Variants in ELMO1 observed in about 807,000 individuals in gnomAD.
ELMO1 encodes the protein engulfment and cell motility 1, also known as engulfment and cell motility protein 1.
In ELMO1, 26 loss-of-function variants were observed where a neutral mutation model predicts 98.9. The observed-to-expected ratio is 0.26, with a 90% CI of 0.19 to 0.36. ELMO1 has a LOEUF of 0.36. ELMO1 is among the 10% of genes least tolerant of loss of function. ELMO1 has a pLI of 1.00. For synonymous variants in ELMO1, 346 were observed against 346.0 expected (o/e 1.00, Z 0.00); for missense variants, 627 against 935.2 (o/e 0.67, Z 4.30).
At chr7:36,876,466 T>A (rs1042740629) in intron 19 of ELMO1, among the ~76,000 whole-genome samples, 4 of 152,162 alleles carry the variant, frequency 2.6e-5, no homozygotes, top group Non-Finnish European at 2.9e-5. Flanking sequence ...TTTGTTTTTT[T>A]AAAATTATTA....
chr7:36,903,029 T>G (rs1243248578), intron 16 of ELMO1, among the ~76,000 whole-genome samples: 3 of 152,194 alleles, frequency 2.0e-5, no homozygotes, highest in Non-Finnish European at 1.5e-5. Context: ...GCTTAAACCC[T>G]GCAGGGGCCC....
At chr7:36,932,029 A>T (rs1483992998) in intron 16 of ELMO1, among the ~76,000 whole-genome samples, 1 of 152,214 alleles carries the variant, frequency 6.6e-6, no homozygotes, top group Non-Finnish European at 1.5e-5. Flanking sequence ...ATACTAAAAC[A>T]CATGCTGAGG....
intron 13 of ELMO1, among the ~76,000 whole-genome samples, chr7:37,158,636 T>C (rs921116810): frequency 2.6e-5 from 4 of 152,110 alleles, no homozygotes; most frequent in African/African-American, 9.7e-5. Flanking sequence ...ATGGCGATCA[T>C]TAAAAAGTCA....
chr7:37,348,973 T>G (rs1162550835), intron 1 of ELMO1, among the ~76,000 whole-genome samples: 1 of 152,216 alleles, frequency 6.6e-6, no homozygotes, highest in African/African-American at 2.4e-5. Context: ...TAAACCCTAC[T>G]GAGAAAAAAA....
intron 16 of ELMO1, among the ~76,000 whole-genome samples, chr7:36,897,001 G>A (rs1456691952): frequency 6.6e-6 from 1 of 152,170 alleles, no homozygotes; most frequent in African/African-American, 2.4e-5. Context: ...TCAGGTTAAA[G>A]CTAAGAGTTA....
At chr7:37,018,456 T>C (rs1186710969) in intron 15 of ELMO1, among the ~76,000 whole-genome samples, 2 of 151,906 alleles carry the variant, frequency 1.3e-5, no homozygotes, top group African/African-American at 4.8e-5. Flanking sequence ...GCACATGGCA[T>C]AGGCTTAGTA....
intron 16 of ELMO1, among the ~76,000 whole-genome samples, chr7:36,918,885 C>T (rs921775845): frequency 1.7e-4 from 26 of 152,262 alleles, no homozygotes; most frequent in African/African-American, 6.0e-4. Flanking sequence ...ACAAAGTAGA[C>T]TCACTTTAAG....
At chr7:37,140,775 G>A (rs1268300756) in intron 13 of ELMO1, among the ~76,000 whole-genome samples, 5 of 152,036 alleles carry the variant, frequency 3.3e-5, no homozygotes, top group African/African-American at 9.7e-5. Flanking sequence ...CAAGCATACG[G>A]AAAAAATGCT....
At chr7:37,267,982 G>A (rs996249515) in intron 5 of ELMO1, among the ~76,000 whole-genome samples, 1 of 152,008 alleles carries the variant, frequency 6.6e-6, no homozygotes, top group Non-Finnish European at 1.5e-5. Context: ...TATGGTTTCT[G>A]CATTTTGTGT....
At chr7:37,263,109 T>C (rs1222584051) in intron 5 of ELMO1, among the ~76,000 whole-genome samples, 4 of 152,192 alleles carry the variant, frequency 2.6e-5, no homozygotes, top group Non-Finnish European at 5.9e-5. Context: ...CTTCTTTTTA[T>C]CTTCTCTAAT....
intron 1 of ELMO1, among the ~76,000 whole-genome samples, chr7:37,347,319 ACTT>A (rs1801053693): frequency 6.6e-6 from 1 of 152,134 alleles, no homozygotes; most frequent in Non-Finnish European, 1.5e-5. Flanking sequence ...CTGGGGCCAT[ACTT>A]CTTTGCTGTA....
intron 16 of ELMO1, among the ~76,000 whole-genome samples, chr7:36,947,560 C>T (rs1360377288): frequency 2.0e-5 from 3 of 152,180 alleles, no homozygotes; most frequent in Non-Finnish European, 2.9e-5. Context: ...AGGCGTTGGC[C>T]TCCTAATCTT....
chr7:37,294,218 T>C (rs1367687436), intron 4 of ELMO1, among the ~76,000 whole-genome samples: 1 of 152,124 alleles, frequency 6.6e-6, no homozygotes, highest in Non-Finnish European at 1.5e-5. Flanking sequence ...GCTTGGGTAT[T>C]CTCTCCTTTG....
intron 15 of ELMO1, among the ~76,000 whole-genome samples, chr7:37,071,086 C>G (rs1012611943): frequency 1.3e-5 from 2 of 152,094 alleles, no homozygotes; most frequent in African/African-American, 2.4e-5. Flanking sequence ...ATGGTGGTTA[C>G]ATGATGGTAT....
chr7:37,278,113 C>CTTTT (rs36110041), intron 4 of ELMO1, among the ~76,000 whole-genome samples: 1,264 of 85,376 alleles, frequency 0.015, 32 homozygotes, highest in East Asian at 0.081. Flanking sequence ...ATAGCTTTTC[C>CTTTT]TTTTTTTTTT....
chr7:37,282,615 AC>A (rs35029606), intron 4 of ELMO1, among the ~76,000 whole-genome samples: 57,291 of 151,864 alleles, frequency 0.38, 11,932 homozygotes, highest in Middle Eastern at 0.53. Flanking sequence ...TCCAGACACC[AC>A]CCCCCAAAAA....
In ELMO1 at chr7:37,120,881, G is replaced by C. The variant is rs896046822; in HGVS notation, c.1191+12249C>G. 7.9e-5 allele frequency among the ~76,000 whole-genome samples: 12 copies of C among 152,152 alleles called. 1 individual carries two copies. The highest frequency in any genetic ancestry group is 2.9e-4 in the African/African-American group (12 of 41,444). ...CTAACTGGGAGGCACCCCCCAGTAG[G>C]GGCAGACTGACACCTCACACAGCCG... On this transcript the variant is annotated intron_variant, in intron 14 of 21. Transcript: ENST00000310758.
intron 1 of ELMO1, among the ~76,000 whole-genome samples, chr7:37,388,073 A>T (rs1300974749): frequency 2.0e-5 from 3 of 152,140 alleles, no homozygotes; most frequent in Non-Finnish European, 4.4e-5. Context: ...CCTGGCCCCA[A>T]GCAATCCTCC....
At chr7:37,009,881 G>A (rs1793427446) in intron 16 of ELMO1, among the ~76,000 whole-genome samples, 1 of 152,186 alleles carries the variant, frequency 6.6e-6, no homozygotes, top group African/African-American at 2.4e-5. Flanking sequence ...ACTCACATTT[G>A]TTCCTAAATT....
Sources: gnomAD v4.1 joint callset for allele counts (sites outside exome capture counted in the v4.1 genomes callset) on GRCh38, gnomAD v4.1.1 for gene constraint, MANE v1.5 for transcripts, NCBI Gene and HGNC (gene_info 2026-07-23, HGNC 2026-07-21) for gene names.